Variants in MYT1 observed in about 807,000 individuals in gnomAD.
MYT1 encodes the protein myelin transcription factor 1.
MYT1 carries 23 observed loss-of-function variants against 123.0 expected under a neutral mutation model. The observed-to-expected ratio is 0.19, with a 90% CI of 0.13 to 0.26. MYT1 has a LOEUF of 0.26. Among genes scored for constraint, MYT1 ranks in the 10% least tolerant of loss-of-function variants. MYT1 has a pLI of 1.00. For missense variants in MYT1, 1,125 were observed against 1,472.5 expected, an observed-to-expected ratio of 0.76 and a Z score of 3.86; for synonymous variants, 518 against 575.3, an observed-to-expected ratio of 0.90 and a Z score of 1.43.
At chr20:64,239,612 AC>A (rs1984652713) in intron 21 of MYT1, 147 bp from the exon 22 acceptor site, 1 of 1,109,864 alleles carries the variant, frequency 9.0e-7, no homozygotes, top group Non-Finnish European at 1.3e-6. Flanking sequence ...CTGTGGCAGA[AC>A]CCCCTACAGG....
chr20:64,227,426 CCGGCTGTGA>C lies in MYT1; in HGVS notation c.2546_2554del (p.Cys849_Gly851del), dbSNP rs773212150. The C allele has an allele frequency of 6.2e-7, 1 of 1,612,734 alleles. No homozygotes were observed. Among genetic ancestry groups the C allele is most frequent in the Admixed American group, 1.7e-5 (1 of 60,010 alleles). On this transcript the variant is annotated inframe_deletion, in exon 17 of 23. Transcript: ENST00000328439. ...GCTTCCCTCTGCAGGTGCCCCACGC[CCGGCTGTGA>C]CGGCTCTGGCCACATCACAGGGAAC... is the stretch of plus-strand genomic sequence containing the variant.
intron 13 of MYT1, among the ~76,000 whole-genome samples, chr20:64,220,479 C>T (rs1043524516): frequency 6.6e-6 from 1 of 152,220 alleles, no homozygotes; most frequent in Non-Finnish European, 1.5e-5. Flanking sequence ...CCAGGACCAA[C>T]CTGGCATGGG....
At chr20:64,210,694 C>T (rs887693250) in intron 7 of MYT1, among the ~76,000 whole-genome samples, 3 of 152,214 alleles carry the variant, frequency 2.0e-5, no homozygotes, top group Non-Finnish European at 2.9e-5. Context: ...CTATAGTGAC[C>T]GGCCTGGACC....
intron 7 of MYT1, among the ~76,000 whole-genome samples, chr20:64,210,838 C>T (rs1438818387): frequency 6.6e-6 from 1 of 152,262 alleles, no homozygotes; most frequent in Non-Finnish European, 1.5e-5. Context: ...AAGGATATCT[C>T]CTGGCAGGAA....
At chr20:64,237,071 G>C (rs1241624166) in intron 20 of MYT1, among the ~76,000 whole-genome samples, 1 of 152,192 alleles carries the variant, frequency 6.6e-6, no homozygotes, top group East Asian at 1.9e-4. Context: ...AGCTCGGAAG[G>C]CAAACTATAA....
Position 64,232,218 on chromosome 20 carries a change from T to C in MYT1, c.2730T>C (p.Ser910=). Residue 910 remains serine (S), a synonymous_variant, in exon 19 of 23, where the codon TCT becomes TCC. Coordinates refer to ENST00000328439, the MANE Select transcript of MYT1 (RefSeq NM_004535.3). The surrounding 1 kb of genome is among the most constrained non-coding windows in gnomAD (Gnocchi z 6.9). ...GTCACATCAGCGGGAAATACGCCTC[T>C]CACAGGAGCGCATCCGGCTGCCCAC... The part of the protein sequence containing the change: ...GLGHISGKYA[S]HRSASGCPLA... 1 of 1,613,080 alleles carries C rather than the reference T, an allele frequency of 6.2e-7. No individual in the cohort carries two copies. The highest frequency in any genetic ancestry group is 1.3e-5 in the African/African-American group (1 of 75,018).
chr20:64,213,552 T>A lies in MYT1; in HGVS notation c.1536T>A (p.Ile512=). The A allele has an allele frequency of 6.2e-7, 1 of 1,614,038 alleles. No individual in the cohort carries two copies. ...NTHRSLSGCP[I]AAAEKLAKSH... Reference sequence around the variant, plus strand: ...CCTCTAGTTTGTCTGGGTGTCCCATTGCTGCCGCCGAAAAATTAGCCAAAT... The same window carrying A: ...CCTCTAGTTTGTCTGGGTGTCCCATAGCTGCCGCCGAAAAATTAGCCAAAT... The change falls in exon 10 of 23, where the codon ATT becomes ATA. Residue 512 remains isoleucine (I), a synonymous_variant. Coordinates refer to ENST00000328439, the MANE Select transcript of MYT1 (RefSeq NM_004535.3). This position sits in a 1 kb window ranked among gnomAD's most constrained non-coding sequence, Gnocchi z 5.6.
chr20:64,199,121 G>A (rs1983214227), intron 3 of MYT1, among the ~76,000 whole-genome samples: 1 of 152,238 alleles, frequency 6.6e-6, no homozygotes, highest in Non-Finnish European at 1.5e-5. Context: ...AGATGAACCT[G>A]CCTTGAGGGC....
intron 6 of MYT1, among the ~76,000 whole-genome samples, chr20:64,207,350 A>G (rs1459355355): frequency 1.3e-5 from 2 of 152,258 alleles, no homozygotes; most frequent in Admixed American, 6.5e-5. Context: ...AGTTTAAAAA[A>G]TACATCAGTG....
At position 64,191,284 on chromosome 20, in the gene MYT1, GTGACATCACA is replaced by G. The variant is rs1374110333; in HGVS notation, c.-1+1127_-1+1136del. Among the ~76,000 whole-genome samples the G allele has an allele frequency of 6.6e-6, 1 of 152,068 alleles. No individual in the cohort carries two copies. The highest frequency in any genetic ancestry group is 2.4e-5 in the African/African-American group (1 of 41,336). On this transcript the variant is annotated intron_variant, in intron 2 of 22. Transcript: ENST00000328439. This position sits in a 1 kb window ranked among gnomAD's most constrained non-coding sequence, Gnocchi z 4.1. ...CTCCCTTCGGGGACACTCCCGAACTGTGACATCACATGTGCTTACAGCCACTGTTCTCCAC... is the reference window on the plus strand; with the variant it reads ...CTCCCTTCGGGGACACTCCCGAACTGTGTGCTTACAGCCACTGTTCTCCAC...
Position 64,232,316 on chromosome 20 carries a change from G to C in MYT1, c.2828G>C (p.Gly943Ala), listed in dbSNP as rs2145732033. Residue 943 changes from glycine (G) to alanine (A), a missense_variant, in exon 19 of 23, where the codon GGA becomes GCA. By Grantham distance (60) the Gly-to-Ala change is moderately conservative (BLOSUM62 0). Coordinates refer to ENST00000328439, the MANE Select transcript of MYT1 (RefSeq NM_004535.3). This position sits in a 1 kb window ranked among gnomAD's most constrained non-coding sequence, Gnocchi z 6.9. The stretch of plus-strand genomic sequence containing the variant: ...TCCTGGAAGTCCCTGAAGAATGAAG[G>C]ACCGACCTGCCCCACCCCGGGCTGT... ...SFSWKSLKNE[G>A]PTCPTPGCDG... The C allele has an allele frequency of 6.2e-7, 1 of 1,613,020 alleles. No individual in the cohort carries two copies. Among genetic ancestry groups the C allele is most frequent in the East Asian group, 2.2e-5 (1 of 44,880 alleles).
At chr20:64,219,654 C>A (rs935831851) in intron 12 of MYT1, 59 bp from the exon 13 acceptor site, 3 of 1,443,830 alleles carry the variant, frequency 2.1e-6, no homozygotes, top group Non-Finnish European at 2.9e-6. Flanking sequence ...TCAAATGGAC[C>A]AGAAGGCACA....
At position 64,196,244 on chromosome 20, in the gene MYT1, G is replaced by A. The variant is rs1983115589; in HGVS notation, c.1-2618G>A. The stretch of plus-strand genomic sequence containing the variant: ...TTGAGCTGCCCTTTAGGGCCCAGCT[G>A]TCATTGTGTGGTGGGGGCAGAAGGT... On this transcript the variant is annotated intron_variant, in intron 2 of 22. Transcript: ENST00000328439. This position sits in a 1 kb window ranked among gnomAD's most constrained non-coding sequence, Gnocchi z 4.3. Among the ~76,000 whole-genome samples, 1 of 152,178 alleles carries A rather than the reference G, an allele frequency of 6.6e-6. No homozygotes were observed. Among genetic ancestry groups the A allele is most frequent in the Non-Finnish European group, 1.5e-5 (1 of 68,028 alleles).
chr20:64,172,175 C>G, intron 1 of MYT1, among the ~76,000 whole-genome samples: 1 of 152,288 alleles, frequency 6.6e-6, no homozygotes, highest in Non-Finnish European at 1.5e-5. Flanking sequence ...CACATCCCCC[C>G]GCCCCCCACA....
intron 1 of MYT1, among the ~76,000 whole-genome samples, chr20:64,165,765 A>G (rs184465610): frequency 3.3e-5 from 5 of 151,926 alleles, no homozygotes; most frequent in African/African-American, 1.2e-4. Context: ...CACGATGATG[A>G]TAATGGCAGC....
intron 16 of MYT1, 47 bp downstream of exon 16, chr20:64,223,406 C>T: frequency 1.3e-6 from 2 of 1,598,214 alleles, no homozygotes; most frequent in East Asian, 2.2e-5. Flanking sequence ...GGCACCCTCG[C>T]TTTGCTCTCC....
chr20:64,185,713 G>A lies in MYT1; in HGVS notation c.-98-4350G>A, dbSNP rs971280258. ...AGCCAGCATGAAAACAGCCACGGTCGCCCGCAGGGGGTCCCCCATGGGGTT... is the reference window on the plus strand; with the variant it reads ...AGCCAGCATGAAAACAGCCACGGTCACCCGCAGGGGGTCCCCCATGGGGTT... On this transcript the variant is annotated intron_variant, in intron 1 of 22. Transcript: ENST00000328439. This position sits in a 1 kb window ranked among gnomAD's most constrained non-coding sequence, Gnocchi z 4.5. 4.6e-5 allele frequency among the ~76,000 whole-genome samples: 7 copies of A among 152,206 alleles called. No individual in the cohort carries two copies. Among genetic ancestry groups the A allele is most frequent in the Non-Finnish European group, 8.8e-5 (6 of 68,032 alleles).
rs149106125 is a variant in MYT1, at chr20:64,227,894, C to T, written c.2598C>T (p.Ser866=). The T allele has an allele frequency of 4.3e-5, 69 of 1,612,346 alleles. No individual in the cohort carries two copies. Among genetic ancestry groups the T allele is most frequent in the South Asian group, 1.3e-4 (12 of 90,650 alleles). Residue 866 remains serine (S), a synonymous_variant, in exon 18 of 23, where the codon TCC becomes TCT. Coordinates refer to ENST00000328439, the MANE Select transcript of MYT1 (RefSeq NM_004535.3). The part of the protein sequence containing the change: ...TGNYASHRSL[S]GCPRAKKSGV... The stretch of plus-strand genomic sequence containing the variant: ...TTTCCTCTTTCGAAATCAGCTTGTC[C>T]GGCTGCCCTCGTGCAAAGAAAAGTG...
At chr20:64,176,804 C>A (rs1425120232) in intron 1 of MYT1, among the ~76,000 whole-genome samples, 1 of 152,222 alleles carries the variant, frequency 6.6e-6, no homozygotes, top group Non-Finnish European at 1.5e-5. Flanking sequence ...TGGTGTCCCT[C>A]CCAGCACACT....
Sources: allele counts gnomAD v4.1 joint callset (sites outside exome capture counted in the v4.1 genomes callset), GRCh38; gene constraint gnomAD v4.1.1; non-coding constraint Gnocchi (gnomAD v3.1); transcripts MANE v1.5; gene names NCBI Gene and HGNC (gene_info 2026-07-23, HGNC 2026-07-21).